Variants in NID2 observed in about 807,000 individuals in gnomAD.
NID2 encodes the protein nidogen 2.
A neutral mutation model predicts 145.4 loss-of-function variants in NID2; 83 were observed. The ratio of observed to expected loss-of-function variants is 0.57; its 90% CI spans 0.48 to 0.69. The LOEUF (loss-of-function observed/expected upper bound fraction) is 0.69, where lower values mean the gene tolerates loss of function less well. Ranked by LOEUF, NID2 falls within the 30% of genes least tolerant of loss-of-function variation. The pLI is 0.00. For missense variants in NID2, 1,807 were observed against 1,765.7 expected, an observed-to-expected ratio of 1.02 and a Z score of -0.42; for synonymous variants, 739 against 701.3, an observed-to-expected ratio of 1.05 and a Z score of -0.85.
At position 52,044,686 on chromosome 14, in the gene NID2, C is replaced by T. The variant is rs1276809055; in HGVS notation, c.1430-1755G>A. Among the ~76,000 whole-genome samples, 6 of 152,126 alleles carry T rather than the reference C, an allele frequency of 3.9e-5. No homozygotes were observed. In the East Asian group the frequency reaches 1.2e-3, roughly 29 times the overall value. On this transcript the variant is annotated intron_variant, in intron 5 of 21. Transcript: ENST00000216286. ...GGAGAGCAGTGGTGCCATCTCGGCT[C>T]ACTGAAAGCTCGACTTCCCAGGCTC...
chr14:52,025,113 T>G (rs1364909973), intron 12 of NID2, among the ~76,000 whole-genome samples: 1 of 152,210 alleles, frequency 6.6e-6, no homozygotes, highest in African/African-American at 2.4e-5. Flanking sequence ...TCTCAGTGGA[T>G]TCACATTTCT....
intron 1 of NID2, among the ~76,000 whole-genome samples, chr14:52,068,525 CCTTTT>C (rs1353806891): frequency 6.6e-6 from 1 of 152,244 alleles, no homozygotes; most frequent in African/African-American, 2.4e-5. Context: ...AGCAACGCCA[CCTTTT>C]CTGCCTGGGA....
chr14:52,065,971 G>A (rs1893191415), intron 2 of NID2, among the ~76,000 whole-genome samples: 1 of 150,130 alleles, frequency 6.7e-6, no homozygotes, highest in African/African-American at 2.5e-5. Flanking sequence ...ACATACGTGT[G>A]CATGTGTCTT....
At chr14:52,063,000 C>T (rs1893063391) in intron 2 of NID2, among the ~76,000 whole-genome samples, 1 of 152,140 alleles carries the variant, frequency 6.6e-6, no homozygotes, top group Admixed American at 6.5e-5. Context: ...ATTTATGATC[C>T]CAAAGTACAC....
intron 9 of NID2, among the ~76,000 whole-genome samples, chr14:52,033,505 G>A (rs1357161339): frequency 2.0e-5 from 3 of 152,176 alleles, no homozygotes; most frequent in Non-Finnish European, 4.4e-5. Flanking sequence ...AGGGACAGAG[G>A]CTCCAATTAC....
chr14:52,033,888 G>C (rs1240546829), intron 9 of NID2, among the ~76,000 whole-genome samples: 1 of 152,134 alleles, frequency 6.6e-6, no homozygotes, highest in African/African-American at 2.4e-5. Context: ...GGGTAAGGGT[G>C]TGCGTACTGG....
At chr14:52,028,622 G>A (rs1891682257) in intron 11 of NID2, 100 bp downstream of exon 11, 2 of 1,340,530 alleles carry the variant, frequency 1.5e-6, no homozygotes, top group African/African-American at 1.5e-5. Context: ...AAACCATATA[G>A]CAGAGCCTCT....
At position 52,065,950 on chromosome 14, in the gene NID2, T is replaced by C. The variant is rs563780659; in HGVS notation, c.534+1908A>G. On this transcript the variant is annotated intron_variant, in intron 2 of 21. Coordinates refer to ENST00000216286, the MANE Select transcript of NID2 (RefSeq NM_007361.4). ...TCCAAGTCTTTGCTATTGTGAATAG[T>C]GCCGCAATAAACATACGTGTGCATG... Among the ~76,000 whole-genome samples, 338 of 148,684 alleles carry C rather than the reference T, an allele frequency of 2.3e-3. 4 individuals are homozygous for C. Among genetic ancestry groups the C allele is most frequent in the Middle Eastern group, 0.021 (6 of 290 alleles).
At chr14:52,062,477 C>G (rs1206136539) in intron 2 of NID2, among the ~76,000 whole-genome samples, 1 of 152,110 alleles carries the variant, frequency 6.6e-6, no homozygotes. Flanking sequence ...ATAAGATAGT[C>G]GACATCATCA....
In NID2 at chr14:52,050,467, C is replaced by T. The variant is rs1294807913; in HGVS notation, c.1429+3112G>A. ...ACAGCAGTGACACTCCTGGACAGTG[C>T]CTTTGACTCTCTGTCACCCTACAGC... On this transcript the variant is annotated intron_variant, in intron 5 of 21. Transcript: ENST00000216286. 2.6e-5 allele frequency among the ~76,000 whole-genome samples: 4 copies of T among 152,216 alleles called. No homozygotes were observed. In the East Asian group the frequency reaches 5.8e-4, roughly 22 times the overall value.
At chr14:52,040,032 C>G (rs1483607400) in intron 8 of NID2, among the ~76,000 whole-genome samples, 1 of 152,170 alleles carries the variant, frequency 6.6e-6, no homozygotes, top group Non-Finnish European at 1.5e-5. Context: ...CCTCCACTTC[C>G]CAGGTTCAGA....
chr14:52,067,798 C>A, intron 2 of NID2, 60 bp downstream of exon 2: 5 of 1,578,850 alleles, frequency 3.2e-6, no homozygotes, highest in Non-Finnish European at 3.5e-6. Flanking sequence ...TGGGTCGCTG[C>A]CCCAGAATTT....
In NID2 at chr14:52,042,392, G is replaced by T. The variant is rs746922256; in HGVS notation, c.1580-42C>A. 3.2e-6 allele frequency: 5 copies of T among 1,569,346 alleles called. No homozygotes were observed. In the Admixed American group the frequency reaches 7.0e-5, roughly 22 times the overall value. On this transcript the variant is annotated intron_variant, in intron 6 of 21. Coordinates refer to ENST00000216286, the MANE Select transcript of NID2 (RefSeq NM_007361.4). ...CCAGTTAGGCTTGGACGTCATCCTG[G>T]CTAGAGATGGGTGTACCCAGGTATA...
intron 14 of NID2, among the ~76,000 whole-genome samples, chr14:52,016,949 G>A (rs966846203): frequency 1.2e-4 from 19 of 152,162 alleles, no homozygotes; most frequent in African/African-American, 3.9e-4. Context: ...AGCGAATGCC[G>A]TTAAGTTGTC....
At chr14:52,012,497 C>T (rs1307275981) in intron 16 of NID2, among the ~76,000 whole-genome samples, 1 of 152,112 alleles carries the variant, frequency 6.6e-6, no homozygotes, top group Non-Finnish European at 1.5e-5. Context: ...ACTCAGGAGA[C>T]CGAGTTGGGA....
intron 8 of NID2, 139 bp from the exon 9 acceptor site, chr14:52,039,116 G>T: frequency 1.5e-6 from 1 of 669,408 alleles, no homozygotes; most frequent in Non-Finnish European, 2.5e-6. Flanking sequence ...ATGAAAAAAT[G>T]TGTAAGGAAA....
chr14:52,056,902 G>C (rs553295528), intron 3 of NID2, among the ~76,000 whole-genome samples: 115 of 152,222 alleles, frequency 7.6e-4, no homozygotes, highest in Non-Finnish European at 1.2e-3. Flanking sequence ...AAATATACAC[G>C]TGTGAATTCG....
chr14:52,016,152 T>C (rs1024775197), intron 14 of NID2, among the ~76,000 whole-genome samples: 2 of 152,176 alleles, frequency 1.3e-5, no homozygotes, highest in Admixed American at 1.3e-4. Flanking sequence ...CCAGGCTGCT[T>C]CCACAGTGCC....
intron 18 of NID2, chr14:52,008,596 C>T (rs1239292686): frequency 6.6e-6 from 1 of 152,186 alleles, no homozygotes; most frequent in East Asian, 1.9e-4. Context: ...ATTATTGTCA[C>T]TATGTGGGAG....
Sources: gnomAD v4.1 joint callset for allele counts (sites outside exome capture counted in the v4.1 genomes callset) on GRCh38, gnomAD v4.1.1 for gene constraint, MANE v1.5 for transcripts, NCBI Gene and HGNC (gene_info 2026-07-23, HGNC 2026-07-21) for gene names.